Variants in ITGA9 observed in about 807,000 individuals in gnomAD.
The protein encoded by ITGA9 is integrin subunit alpha 9, also known as integrin alpha-9.
A neutral mutation model predicts 127.8 loss-of-function variants in ITGA9; 56 were observed. The ratio of observed to expected loss-of-function variants is 0.44; its 90% CI spans 0.35 to 0.55. ITGA9 has a LOEUF of 0.55. Among genes scored for constraint, ITGA9 ranks in the 20% least tolerant of loss-of-function variants. ITGA9 has a pLI of 0.00. For missense variants in ITGA9, 1,196 were observed against 1,347.1 expected (o/e 0.89, Z 1.76); for synonymous variants, 508 against 514.5 (o/e 0.99, Z 0.17).
At chr3:37,751,140 C>G (rs1233875290) in intron 23 of ITGA9, among the ~76,000 whole-genome samples, 1 of 152,234 alleles carries the variant, frequency 6.6e-6, no homozygotes, top group Non-Finnish European at 1.5e-5. Flanking sequence ...CATTGCTGCC[C>G]TCTGGGTCAT....
intron 22 of ITGA9, among the ~76,000 whole-genome samples, chr3:37,744,722 T>G (rs1443342693): frequency 6.6e-6 from 1 of 152,276 alleles, no homozygotes. Context: ...ATTTGGCCTC[T>G]GCAGCATCTA....
At chr3:37,775,195 A>T (rs1399022158) in intron 23 of ITGA9, among the ~76,000 whole-genome samples, 2 of 152,236 alleles carry the variant, frequency 1.3e-5, no homozygotes, top group Non-Finnish European at 2.9e-5. Flanking sequence ...CTCCATTAAA[A>T]GGAGGGCAAA....
intron 22 of ITGA9, chr3:37,749,343 AC>A (rs1696551504): frequency 6.5e-6 from 1 of 152,824 alleles, no homozygotes; most frequent in South Asian, 2.1e-4. Flanking sequence ...AATTCAAGAT[AC>A]CCTCTTTATT....
intron 27 of ITGA9, among the ~76,000 whole-genome samples, chr3:37,809,898 C>T (rs1697346182): frequency 6.6e-6 from 1 of 152,172 alleles, no homozygotes; most frequent in African/African-American, 2.4e-5. Context: ...AAACTCCAGC[C>T]TCATATTTGA....
rs183150541 is a variant in ITGA9, at chr3:37,728,082, C to T, written c.2068-4630C>T. Among the ~76,000 whole-genome samples, 128 of 152,314 alleles carry T rather than the reference C, an allele frequency of 8.4e-4. 3 individuals are homozygous for T. Among genetic ancestry groups the T allele is most frequent in the Admixed American group, 8.2e-3 (125 of 15,296 alleles). On this transcript the variant is annotated intron_variant, in intron 18 of 27. Transcript: ENST00000264741. Reference sequence around the variant, plus strand: ...TAGATAGACAGTTTGCTCACTGGTCCGCGTTCCCAGTCAGCTAAGAGTCTC... The same window carrying T: ...TAGATAGACAGTTTGCTCACTGGTCTGCGTTCCCAGTCAGCTAAGAGTCTC...
rs368075625 is a variant in ITGA9, at chr3:37,502,077, C to A, written c.613-1101C>A. Among the ~76,000 whole-genome samples, 9 of 152,296 alleles carry A rather than the reference C, an allele frequency of 5.9e-5. No individual in the cohort carries two copies. The East Asian group carries it at 9.6e-4, about 16-fold the overall frequency. ...TATCTGTGCTGACTTCCTTGGGTGA[C>A]CAAATCATTTCTGGGAACTTAGGGT... On this transcript the variant is annotated intron_variant, in intron 5 of 27. Coordinates refer to ENST00000264741, the MANE Select transcript of ITGA9 (RefSeq NM_002207.3).
chr3:37,699,830 C>T (rs1190703120), intron 18 of ITGA9, among the ~76,000 whole-genome samples: 4 of 152,198 alleles, frequency 2.6e-5, no homozygotes, highest in African/African-American at 7.2e-5. Flanking sequence ...GACACTGGCT[C>T]TTCCCTTAAA....
chr3:37,706,341 A>G (rs73070770), intron 18 of ITGA9, among the ~76,000 whole-genome samples: 129 of 152,296 alleles, frequency 8.5e-4, no homozygotes, highest in Non-Finnish European at 1.6e-3. Context: ...TGCTCTTTTC[A>G]GTCCATTGTT....
chr3:37,719,105 A>G (rs1028469776), intron 18 of ITGA9, among the ~76,000 whole-genome samples: 4 of 152,230 alleles, frequency 2.6e-5, no homozygotes, highest in African/African-American at 7.2e-5. Flanking sequence ...TTTGCAGAAC[A>G]TATCAGGGGA....
At chr3:37,464,333 A>G (rs961900153) in intron 1 of ITGA9, among the ~76,000 whole-genome samples, 3 of 149,618 alleles carry the variant, frequency 2.0e-5, no homozygotes, top group East Asian at 2.0e-4. Context: ...AACTTTTGCA[A>G]TTCTAAGGAT....
In ITGA9 at chr3:37,614,445, C is replaced by T. The variant is rs1035826971; in HGVS notation, c.1690-14742C>T. ...TTGGCTTAGGATTGACTTGGCGATG[C>T]GGGCTCTTTTTTGGTTCCATATGAA... is the stretch of plus-strand genomic sequence containing the variant. On this transcript the variant is annotated intron_variant, in intron 15 of 27. Coordinates refer to ENST00000264741, the MANE Select transcript of ITGA9 (RefSeq NM_002207.3). 2.2e-3 allele frequency among the ~76,000 whole-genome samples: 330 copies of T among 151,994 alleles called. 7 individuals carry two copies. The East Asian group carries it at 0.056, about 26-fold the overall frequency.
At position 37,698,511 on chromosome 3, in the gene ITGA9, G is replaced by T. The variant is rs569980925; in HGVS notation, c.2067+14496G>T. ...TTTAATCTATCTTGAATTAATTTTT[G>T]TATAAGGTGTAAGGAAGAGATCCCG... On this transcript the variant is annotated intron_variant, in intron 18 of 27. Transcript: ENST00000264741. 2.6e-5 allele frequency among the ~76,000 whole-genome samples: 4 copies of T among 152,286 alleles called. No homozygotes were observed. The East Asian group carries it at 5.8e-4, about 22-fold the overall frequency.
chr3:37,596,328 G>A (rs1225565759), intron 15 of ITGA9, among the ~76,000 whole-genome samples: 4 of 152,164 alleles, frequency 2.6e-5, no homozygotes, highest in Admixed American at 1.3e-4. Flanking sequence ...AGGTACAGAA[G>A]GATTGACATC....
chr3:37,811,923 A>T (rs756493164), intron 27 of ITGA9, among the ~76,000 whole-genome samples: 1 of 152,238 alleles, frequency 6.6e-6, no homozygotes, highest in Non-Finnish European at 1.5e-5. Flanking sequence ...CTTTGGGCTC[A>T]TGGTTTTTAT....
intron 16 of ITGA9, among the ~76,000 whole-genome samples, chr3:37,635,527 A>G (rs919896590): frequency 1.3e-5 from 2 of 149,956 alleles, no homozygotes; most frequent in Non-Finnish European, 3.0e-5. Context: ...AGCAGCATCA[A>G]CCTCTCTTGG....
In ITGA9 at chr3:37,542,467, A is replaced by G; in HGVS notation, c.1571A>G (p.Lys524Arg). The change falls in exon 15 of 28, where the codon AAG becomes AGG. Residue 524 changes from lysine (K) to arginine (R), a missense_variant. Lys to Arg is a conservative substitution (Grantham distance 26, BLOSUM62 2). Transcript: ENST00000264741. ...VLMADVAKKE[K>R]GQMPRVYFVL... ...ATGGCTGACGTGGCCAAAAAGGAGA[A>G]GGGCCAGATGCCCAGGGTCTACTTT... 1.9e-6 allele frequency: 3 copies of G among 1,614,038 alleles called. No individual in the cohort carries two copies. The highest frequency in any genetic ancestry group is 2.5e-6 in the Non-Finnish European group (3 of 1,180,016).
chr3:37,727,995 T>C (rs1696236080), intron 18 of ITGA9, among the ~76,000 whole-genome samples: 2 of 152,226 alleles, frequency 1.3e-5, no homozygotes, highest in African/African-American at 4.8e-5. Flanking sequence ...CTTCACTCTG[T>C]ATTTGATTTG....
Position 37,615,178 on chromosome 3 carries a change from A to G in ITGA9, c.1690-14009A>G, listed in dbSNP as rs1334777274. 3.9e-5 allele frequency among the ~76,000 whole-genome samples: 6 copies of G among 152,224 alleles called. No homozygotes were observed. The South Asian group carries it at 1.0e-3, about 26-fold the overall frequency. ...CCATTGAGAGTTTTTAGCATGAAGCATTGTTGAATTTTGTCAAAGGCCTTT... is the reference window on the plus strand; with the variant it reads ...CCATTGAGAGTTTTTAGCATGAAGCGTTGTTGAATTTTGTCAAAGGCCTTT... On this transcript the variant is annotated intron_variant, in intron 15 of 27. Transcript: ENST00000264741.
chr3:37,553,472 T>A (rs1285467930), intron 15 of ITGA9, among the ~76,000 whole-genome samples: 1 of 152,272 alleles, frequency 6.6e-6, no homozygotes, highest in African/African-American at 2.4e-5. Context: ...TTTGTCTGTT[T>A]CATCATGATT....
Sources: allele counts gnomAD v4.1 joint callset (sites outside exome capture counted in the v4.1 genomes callset), GRCh38; gene constraint gnomAD v4.1.1; transcripts MANE v1.5; gene names NCBI Gene and HGNC (gene_info 2026-07-23, HGNC 2026-07-21).